Variants in PUDP observed in about 807,000 individuals in gnomAD.
PUDP encodes the protein pseudouridine 5'-phosphatase.
In PUDP, 8 loss-of-function variants were observed where a neutral mutation model predicts 9.4. The observed-to-expected ratio is 0.85, with a 90% CI of 0.50 to 1.53. The LOEUF (loss-of-function observed/expected upper bound fraction) is 1.53. PUDP is among the 40% of genes most tolerant of loss of function. The pLI, the probability that PUDP is intolerant of heterozygous loss-of-function variation, is 0.00. For missense variants in PUDP, 188 were observed against 189.7 expected (o/e 0.99, Z 0.05); for synonymous variants, 99 against 80.7 (o/e 1.23, Z -1.22).
At chrX:6,718,062 G>A (rs1032013579) in intron 1 of PUDP, among the ~76,000 whole-genome samples, 4 of 109,746 alleles carry the variant, frequency 3.6e-5, no homozygotes, top group Non-Finnish European at 5.7e-5. Flanking sequence ...TTCTTGTTGA[G>A]TTATTTGAGT....
At chrX:6,874,501 C>A (rs58016635) in intron 3 of PUDP, among the ~76,000 whole-genome samples, 10,403 of 112,212 alleles carry the variant, frequency 0.093, 607 homozygotes, top group East Asian at 0.46. Context: ...ATTCTGTTAT[C>A]AGTGTAGATG....
At chrX:7,138,592 C>A (rs1287498430) in intron 1 of PUDP, among the ~76,000 whole-genome samples, 2 of 110,935 alleles carry the variant, frequency 1.8e-5, no homozygotes, top group Admixed American at 1.9e-4. Context: ...GGGGTGGTCT[C>A]GAACTCTTGG....
chrX:7,101,791 CAAA>C (rs1931743470), intron 2 of PUDP, among the ~76,000 whole-genome samples: 1 of 111,137 alleles, frequency 9.0e-6, no homozygotes, highest in African/African-American at 3.3e-5. Flanking sequence ...AAACAAAAAA[CAAA>C]AACACTCATA....
intron 1 of PUDP, among the ~76,000 whole-genome samples, chrX:7,008,608 C>A (rs1425236351): frequency 8.9e-6 from 1 of 111,749 alleles, no homozygotes; most frequent in Non-Finnish European, 1.9e-5. Flanking sequence ...CTTGCTAATT[C>A]TGTGCCCAGA....
At chrX:7,014,014 T>A (rs1245642154) in intron 1 of PUDP, among the ~76,000 whole-genome samples, 1 of 110,583 alleles carries the variant, frequency 9.0e-6, no homozygotes, top group Non-Finnish European at 1.9e-5. Flanking sequence ...CTCAGCAGGA[T>A]GGATGGGGAG....
chrX:7,135,216 G>C (rs1466238058), intron 1 of PUDP, among the ~76,000 whole-genome samples: 1 of 112,136 alleles, frequency 8.9e-6, no homozygotes, highest in Non-Finnish European at 1.9e-5. Flanking sequence ...TGAGAGCCCA[G>C]TCACAGTAGC....
intron 2 of PUDP, among the ~76,000 whole-genome samples, chrX:6,977,862 C>T (rs960986241): frequency 1.8e-5 from 2 of 112,767 alleles, no homozygotes; most frequent in Admixed American, 9.3e-5. Context: ...TGAGCCTGTG[C>T]TCTGCCATTT....
chrX:6,982,575 T>C (rs985239387), intron 1 of PUDP, among the ~76,000 whole-genome samples: 2 of 111,417 alleles, frequency 1.8e-5, no homozygotes, highest in African/African-American at 6.5e-5. Context: ...AAAAGGCCAA[T>C]CTTAGGTTCT....
chrX:7,067,323 C>T (rs1310527370), intron 3 of PUDP, among the ~76,000 whole-genome samples: 4 of 111,693 alleles, frequency 3.6e-5, no homozygotes, highest in African/African-American at 6.5e-5. Flanking sequence ...CAACCTGTGT[C>T]GAGGTCTCTG....
chrX:6,999,332 A>G (rs1243781820), intron 1 of PUDP, among the ~76,000 whole-genome samples: 1 of 111,907 alleles, frequency 8.9e-6, no homozygotes, highest in Non-Finnish European at 1.9e-5. Flanking sequence ...AAAAAGTTTG[A>G]ATTTTTGAAC....
intron 1 of PUDP, among the ~76,000 whole-genome samples, chrX:6,715,525 T>A (rs1924590084): frequency 8.9e-6 from 1 of 112,333 alleles, no homozygotes; most frequent in Non-Finnish European, 1.9e-5. Flanking sequence ...ACCTTACTCA[T>A]GGAATGTATT....
At chrX:7,075,492 G>A (rs1344826614) in intron 3 of PUDP, among the ~76,000 whole-genome samples, 2 of 102,848 alleles carry the variant, frequency 1.9e-5, no homozygotes, top group Non-Finnish European at 4.0e-5. Context: ...GCAACAGAAC[G>A]AGACTCCATC....
intron 3 of PUDP, among the ~76,000 whole-genome samples, chrX:6,784,319 TTTGTGC>T (rs1925611781): frequency 8.9e-6 from 1 of 111,948 alleles, no homozygotes; most frequent in Admixed American, 9.5e-5. Context: ...GCAAATGTTG[TTTGTGC>T]TTTATGCTGC....
chrX:7,057,628 T>C, intron 3 of PUDP: 1 of 1,106,947 alleles, frequency 9.0e-7, no homozygotes, highest in Admixed American at 3.0e-5. Context: ...TGTGACAAGT[T>C]GGGTTTGAGG....
intron 1 of PUDP, among the ~76,000 whole-genome samples, chrX:7,128,260 T>C (rs1351643611): frequency 9.0e-6 from 1 of 111,463 alleles, no homozygotes; most frequent in Non-Finnish European, 1.9e-5. Context: ...CAGGCTAGTC[T>C]TGAACTCCTG....
chrX:6,723,257 C>T (rs1246212761), upstream of PUDP, among the ~76,000 whole-genome samples: 7 of 83,192 alleles, frequency 8.4e-5, no homozygotes, highest in African/African-American at 2.1e-4. Context: ...TCTCTAAAAA[C>T]GAACAAAAAA....
chrX:7,042,640 G>T (rs904350481), intron 1 of PUDP, among the ~76,000 whole-genome samples: 6 of 82,417 alleles, frequency 7.3e-5, no homozygotes, highest in African/African-American at 2.9e-4. Context: ...TTTCTGGGTG[G>T]ACATATGTTT....
chrX:7,077,253 G>A lies in PUDP; in HGVS notation c.477C>T (p.Ala159=). Residue 159 remains alanine (A), a synonymous_variant, in exon 3 of 4, where the codon GCC becomes GCT. Transcript: ENST00000381077. ...KPDPDIFLAC[A]KRFSPPPAME... is the part of the protein sequence containing the mutation. ...TAGCAGGAGGGGGAGAGAACCTCTTGGCACAAGCTAGGAAGATGTCCGGGT... is the reference window on the plus strand; with the variant it reads ...TAGCAGGAGGGGGAGAGAACCTCTTAGCACAAGCTAGGAAGATGTCCGGGT... The A allele has an allele frequency of 7.5e-6, 9 of 1,200,789 alleles. No individual in the cohort carries two copies. Among genetic ancestry groups the A allele is most frequent in the Non-Finnish European group, 1.0e-5 (9 of 889,983 alleles).
intron 2 of PUDP, among the ~76,000 whole-genome samples, chrX:6,977,824 T>C (rs1022357696): frequency 4.4e-5 from 5 of 112,749 alleles, no homozygotes; most frequent in Non-Finnish European, 7.5e-5. Flanking sequence ...GCATAGACAA[T>C]GCATGAGCTA....
Sources: gnomAD v4.1 joint callset for allele counts (sites outside exome capture counted in the v4.1 genomes callset) on GRCh38, gnomAD v4.1.1 for gene constraint, MANE v1.5 for transcripts, NCBI Gene and HGNC (gene_info 2026-07-23, HGNC 2026-07-21) for gene names.